Variants in SULT1C2 observed in about 807,000 individuals in gnomAD.
The protein encoded by SULT1C2 is sulfotransferase family 1C member 2, also known as sulfotransferase 1C2.
Under a neutral mutation model 36.0 loss-of-function variants are expected in SULT1C2, and 27 were observed. That is an observed-to-expected ratio of 0.75 (90% CI 0.55 to 1.03). The LOEUF (loss-of-function observed/expected upper bound fraction) is 1.03. Among genes scored for constraint, SULT1C2 ranks in the 50% least tolerant of loss-of-function variants. SULT1C2 has a pLI of 0.00. For missense variants in SULT1C2, 395 were observed against 359.2 expected (o/e 1.10, Z -0.80); for synonymous variants, 121 against 116.0 (o/e 1.04, Z -0.27).
chr2:108,301,246 A>G, intron 4 of SULT1C2: 1 of 294,104 alleles, frequency 3.4e-6, no homozygotes, highest in Non-Finnish European at 6.3e-6. Context: ...GGCCATGGGG[A>G]GGTTTTCTAA....
intron 2 of SULT1C2, 146 bp from the exon 3 acceptor site, chr2:108,294,083 T>A (rs1260429925): frequency 1.4e-6 from 2 of 1,454,900 alleles, no homozygotes; most frequent in Non-Finnish European, 1.8e-6. Context: ...CTCATGGACT[T>A]CTATCACTCA....
In SULT1C2 at chr2:108,305,544, A is replaced by G; in HGVS notation, c.727A>G (p.Thr243Ala). ...MKENPMTNRS[T>A]VSKSILDQSI... ...AGAAAATCCCATGACAAATCGTTCT[A>G]CAGTTTCCAAATCTATCTTGGACCA... The change falls in exon 7 of 8, where the codon ACA (threonine) becomes GCA (alanine). Residue 243 changes from threonine (T) to alanine (A), a missense_variant. Coordinates refer to ENST00000251481, the MANE Select transcript of SULT1C2 (RefSeq NM_001056.4). 6.2e-7 allele frequency: 1 copy of G among 1,614,170 alleles called. No individual in the cohort carries two copies. Among genetic ancestry groups the G allele is most frequent in the African/African-American group, 1.3e-5 (1 of 75,042 alleles).
At chr2:108,306,055 G>A (rs774444254) in intron 7 of SULT1C2, among the ~76,000 whole-genome samples, 1 of 152,004 alleles carries the variant, frequency 6.6e-6, no homozygotes, top group Non-Finnish European at 1.5e-5. Context: ...ACCAGCTTCC[G>A]GTCTCTCCAC....
intron 1 of SULT1C2, among the ~76,000 whole-genome samples, chr2:108,292,657 C>T (rs114177527): frequency 0.013 from 1,941 of 152,226 alleles, 52 homozygotes; most frequent in African/African-American, 0.042. Flanking sequence ...AAAACTGGAA[C>T]CCTTGTGCAC....
intron 3 of SULT1C2, among the ~76,000 whole-genome samples, chr2:108,297,372 G>T (rs779706357): frequency 8.5e-5 from 13 of 152,152 alleles, no homozygotes; most frequent in Non-Finnish European, 1.3e-4. Context: ...CTCTTTGATG[G>T]CAAGAAACAA....
chr2:108,304,858 G>T (rs996479375), intron 5 of SULT1C2, among the ~76,000 whole-genome samples, 158 bp downstream of exon 5: 2 of 152,184 alleles, frequency 1.3e-5, no homozygotes, highest in African/African-American at 4.8e-5. Context: ...CTGAGTGTAT[G>T]CCCACAGCCC....
rs557144696 is a variant in SULT1C2 at position 108,307,724 on chromosome 2, A to G, written c.779-628A>G. ...TTCCAAAATAGTTTTTTATTGAGAT[A>G]TAATCAAAATACCAAAAATGCACAG... is the stretch of plus-strand genomic sequence containing the variant. On this transcript the variant is annotated intron_variant, in intron 7 of 7. Coordinates refer to ENST00000251481, the MANE Select transcript of SULT1C2 (RefSeq NM_001056.4). Among the ~76,000 whole-genome samples the G allele has an allele frequency of 8.5e-5, 13 of 152,352 alleles. No homozygotes were observed. The South Asian group carries it at 2.5e-3, about 29-fold the overall frequency.
Position 108,304,605 on chromosome 2 carries a change from G to C in SULT1C2, c.407G>C (p.Cys136Ser). ...TATGTAGCTCGAAATGCCAAAGACT[G>C]TATGGTTTCCTACTACCATTTCCAA... ...FLYVARNAKD[C>S]MVSYYHFQRM... The change falls in exon 5 of 8, where the codon TGT (cysteine) becomes TCT (serine). Residue 136 changes from cysteine to serine, a missense_variant. Cys to Ser is a moderately radical substitution (Grantham distance 112). Transcript: ENST00000251481. 1 of 1,613,108 alleles carries C rather than the reference G, an allele frequency of 6.2e-7. No individual in the cohort carries two copies. The highest frequency in any genetic ancestry group is 8.5e-7 in the Non-Finnish European group (1 of 1,179,674).
At chr2:108,299,981 A>T (rs1676832318) in intron 3 of SULT1C2, 1 of 152,232 alleles carries the variant, frequency 6.6e-6, no homozygotes, top group Non-Finnish European at 1.5e-5. Flanking sequence ...CTAGAGTGGA[A>T]GCTCCTTAGG....
intron 4 of SULT1C2, chr2:108,304,125 C>G (rs1676958941): frequency 6.5e-6 from 1 of 152,824 alleles, no homozygotes; most frequent in Non-Finnish European, 1.5e-5. Flanking sequence ...GGAAATCATT[C>G]AAGCCGAGGA....
In SULT1C2 at chr2:108,305,540, T is replaced by C. The variant is rs1330401333; in HGVS notation, c.723T>C (p.Arg241=). 1 of 1,614,070 alleles carries C rather than the reference T, an allele frequency of 6.2e-7. No individual in the cohort carries two copies. Among genetic ancestry groups the C allele is most frequent in the Non-Finnish European group, 8.5e-7 (1 of 1,180,032 alleles). The change falls in exon 7 of 8, where the codon CGT becomes CGC. Residue 241 remains arginine, a synonymous_variant. Coordinates refer to ENST00000251481, the MANE Select transcript of SULT1C2 (RefSeq NM_001056.4). The part of the protein sequence containing the change: ...EKMKENPMTN[R]STVSKSILDQ... ...TGAAAGAAAATCCCATGACAAATCG[T>C]TCTACAGTTTCCAAATCTATCTTGG... is the stretch of plus-strand genomic sequence containing the variant.
At chr2:108,293,918 T>C in intron 2 of SULT1C2, 100 bp downstream of exon 2, 1 of 1,498,900 alleles carries the variant, frequency 6.7e-7, no homozygotes, top group Non-Finnish European at 8.9e-7. Flanking sequence ...CTCCTTCTTA[T>C]TGTTCCACAA....
intron 3 of SULT1C2, among the ~76,000 whole-genome samples, chr2:108,296,249 G>A (rs746737186): frequency 2.0e-5 from 3 of 152,152 alleles, no homozygotes; most frequent in African/African-American, 4.8e-5. Flanking sequence ...TCACTAAATC[G>A]GCATAAAAAC....
In SULT1C2 at chr2:108,300,918, T is replaced by C; in HGVS notation, c.358T>C (p.Trp120Arg). ...LSTQLLPPSF[W>R]ENNCKFLYVA... ...CACTCAGCTGCTGCCACCGTCTTTC[T>C]GGGAAAACAACTGCAAGGTAAGATA... Residue 120 changes from tryptophan to arginine, a missense_variant, in exon 4 of 8, where the codon TGG (tryptophan) becomes CGG (arginine). Coordinates refer to ENST00000251481, the MANE Select transcript of SULT1C2 (RefSeq NM_001056.4). 6.2e-7 allele frequency: 1 copy of C among 1,614,150 alleles called. No individual in the cohort carries two copies. The highest frequency in any genetic ancestry group is 8.5e-7 in the Non-Finnish European group (1 of 1,180,020).
At position 108,304,602 on chromosome 2, in the gene SULT1C2, A is replaced by T. The variant is rs368725066; in HGVS notation, c.404A>T (p.Asp135Val). Residue 135 changes from aspartate to valine, a missense_variant, in exon 5 of 8, where the codon GAC becomes GTC. Coordinates refer to ENST00000251481, the MANE Select transcript of SULT1C2 (RefSeq NM_001056.4). ...CTTTATGTAGCTCGAAATGCCAAAG[A>T]CTGTATGGTTTCCTACTACCATTTC... Reference protein sequence around the residue: ...KFLYVARNAKDCMVSYYHFQR... With the variant: ...KFLYVARNAKVCMVSYYHFQR... 27 of 1,612,452 alleles carry T rather than the reference A, an allele frequency of 1.7e-5. No homozygotes were observed. Among genetic ancestry groups the T allele is most frequent in the South Asian group, 2.2e-5 (2 of 90,724 alleles).
chr2:108,296,131 C>G (rs145918131), intron 3 of SULT1C2, among the ~76,000 whole-genome samples: 2 of 152,188 alleles, frequency 1.3e-5, no homozygotes, highest in Non-Finnish European at 2.9e-5. Context: ...CTGCCCCTGC[C>G]GCTGCCCAGT....
chr2:108,308,693 T>C lies in SULT1C2; in HGVS notation c.*229T>C. 2.2e-6 allele frequency: 1 copy of C among 457,006 alleles called. No homozygotes were observed. The highest frequency in any genetic ancestry group is 3.8e-6 in the Non-Finnish European group (1 of 260,276). The allele number at this position is 457,006 out of a possible 1,614,324, so 28.3% of individuals were successfully genotyped here. ...TTCCAAAGTAAGATATAAGGTAGCT[T>C]AATAAACTAAGTAAAACGTATGACT... On this transcript the variant is annotated 3_prime_UTR_variant, in exon 8 of 8. Coordinates refer to ENST00000251481, the MANE Select transcript of SULT1C2 (RefSeq NM_001056.4).
chr2:108,306,354 C>A (rs181180491), intron 7 of SULT1C2, among the ~76,000 whole-genome samples: 3 of 152,144 alleles, frequency 2.0e-5, no homozygotes, highest in Non-Finnish European at 4.4e-5. Context: ...GCCCATAATC[C>A]CACGTTTTGG....
chr2:108,297,905 C>G (rs948231670), intron 3 of SULT1C2, among the ~76,000 whole-genome samples: 1 of 152,094 alleles, frequency 6.6e-6, no homozygotes, highest in African/African-American at 2.4e-5. Flanking sequence ...TTGTCATGGG[C>G]AGGAAGGATG....
Sources: allele counts gnomAD v4.1 joint callset (sites outside exome capture counted in the v4.1 genomes callset), GRCh38; gene constraint gnomAD v4.1.1; transcripts MANE v1.5; gene names NCBI Gene and HGNC (gene_info 2026-07-23, HGNC 2026-07-21).